The following CDH12 variants were observed in gnomAD, a reference collection of about 807,000 sequenced individuals.
The protein encoded by CDH12 is cadherin-12.
In CDH12, 41 loss-of-function variants were observed where a neutral mutation model predicts 74.1. The ratio of observed to expected loss-of-function variants is 0.55; its 90% CI spans 0.43 to 0.72. CDH12 has a LOEUF of 0.72. Ranked by LOEUF, CDH12 falls within the 30% of genes least tolerant of loss-of-function variation. CDH12 has a pLI of 0.00. For synonymous variants in CDH12, 399 were observed against 355.0 expected (o/e 1.12, Z -1.39); for missense variants, 945 against 977.2 (o/e 0.97, Z 0.44).
chr5:22,272,551 C>G (rs995784659), intron 3 of CDH12, among the ~76,000 whole-genome samples: 1 of 152,160 alleles, frequency 6.6e-6, no homozygotes, highest in Non-Finnish European at 1.5e-5. Flanking sequence ...TTTCAACAGG[C>G]CTTTCTCATT....
chr5:22,186,908 A>G (rs1749984546), intron 4 of CDH12, among the ~76,000 whole-genome samples: 1 of 152,242 alleles, frequency 6.6e-6, no homozygotes, highest in African/African-American at 2.4e-5. Flanking sequence ...CTAAATAAAT[A>G]AGAAATATTA....
intron 7 of CDH12, among the ~76,000 whole-genome samples, chr5:21,846,944 T>C (rs979968524): frequency 2.0e-5 from 3 of 152,120 alleles, no homozygotes; most frequent in African/African-American, 7.2e-5. Context: ...CTCACGGGAC[T>C]GGCAGATGAA....
chr5:21,963,505 C>T (rs775830113), intron 6 of CDH12, among the ~76,000 whole-genome samples: 23 of 152,056 alleles, frequency 1.5e-4, no homozygotes, highest in East Asian at 3.9e-4. Flanking sequence ...GCTTACCTCA[C>T]GGCTTTCTTT....
Position 22,050,286 on chromosome 5 carries a change from G to A in CDH12, c.231+28160C>T, listed in dbSNP as rs368267926. On this transcript the variant is annotated intron_variant, in intron 5 of 14. Coordinates refer to ENST00000382254, the MANE Select transcript of CDH12 (RefSeq NM_004061.5). ...TCTTCCCAACTCCCTAGACATCTCAGTGCTGTATTGGAATTATCTATTCAT... is the reference window on the plus strand; with the variant it reads ...TCTTCCCAACTCCCTAGACATCTCAATGCTGTATTGGAATTATCTATTCAT... Among the ~76,000 whole-genome samples the A allele has an allele frequency of 1.1e-4, 17 of 152,064 alleles. No homozygotes were observed. In the East Asian group the frequency reaches 3.3e-3, roughly 29 times the overall value.
At chr5:22,459,717 G>T (rs570255114) in intron 2 of CDH12, among the ~76,000 whole-genome samples, 1 of 152,146 alleles carries the variant, frequency 6.6e-6, no homozygotes, top group Admixed American at 6.6e-5. Context: ...GCTCACGCTT[G>T]TAATCCCAGC....
At chr5:22,471,007 C>T (rs537687665) in intron 2 of CDH12, among the ~76,000 whole-genome samples, 5 of 152,096 alleles carry the variant, frequency 3.3e-5, no homozygotes, top group Non-Finnish European at 7.4e-5. Flanking sequence ...TTAATGCTAC[C>T]TGGAATCCAG....
chr5:22,621,483 A>T (rs1260113913), intron 1 of CDH12, among the ~76,000 whole-genome samples: 2 of 152,108 alleles, frequency 1.3e-5, no homozygotes, highest in Admixed American at 6.6e-5. Context: ...AAATCTTAGA[A>T]AAAAATTCTC....
intron 1 of CDH12, among the ~76,000 whole-genome samples, chr5:22,573,026 T>C (rs761664280): frequency 6.6e-6 from 1 of 152,194 alleles, no homozygotes; most frequent in Non-Finnish European, 1.5e-5. Context: ...AATTGCCATG[T>C]TTATTTTGCC....
chr5:22,486,955 G>A (rs1000542181), intron 2 of CDH12, among the ~76,000 whole-genome samples: 1 of 152,132 alleles, frequency 6.6e-6, no homozygotes, highest in African/African-American at 2.4e-5. Flanking sequence ...TAACTTAGGG[G>A]TCAGAGAGCG....
At chr5:21,838,265 A>T (rs1369225891) in intron 8 of CDH12, among the ~76,000 whole-genome samples, 1 of 152,204 alleles carries the variant, frequency 6.6e-6, no homozygotes, top group African/African-American at 2.4e-5. Context: ...AATGCTTTAA[A>T]AGTTCCAGTG....
intron 3 of CDH12, among the ~76,000 whole-genome samples, chr5:22,299,210 G>T (rs1206001594): frequency 2.0e-5 from 3 of 152,148 alleles, no homozygotes; most frequent in Admixed American, 1.3e-4. Flanking sequence ...GTAAAGTAAG[G>T]AACCCAATGT....
At chr5:22,723,913 C>T (rs547737174) in intron 1 of CDH12, among the ~76,000 whole-genome samples, 6 of 152,072 alleles carry the variant, frequency 3.9e-5, no homozygotes, top group African/African-American at 1.4e-4. Context: ...AACACACAAA[C>T]ATTTCACATA....
chr5:21,783,255 G>C, intron 11 of CDH12, 103 bp downstream of exon 11: 2 of 1,000,428 alleles, frequency 2.0e-6, no homozygotes, highest in Non-Finnish European at 3.0e-6. Flanking sequence ...AGACCACTCA[G>C]CTGTCAGTCC....
chr5:21,893,321 C>A (rs138912308), intron 6 of CDH12, among the ~76,000 whole-genome samples: 1 of 152,000 alleles, frequency 6.6e-6, no homozygotes, highest in Non-Finnish European at 1.5e-5. Context: ...AAAAACAGGG[C>A]CACAATAAAA....
intron 1 of CDH12, among the ~76,000 whole-genome samples, chr5:22,792,685 G>T (rs1747977908): frequency 6.6e-6 from 1 of 152,124 alleles, no homozygotes; most frequent in South Asian, 2.1e-4. Context: ...TGGTGAATTT[G>T]AGTCGGTTCT....
At position 22,831,371 on chromosome 5, in the gene CDH12, C is replaced by CTGTGTGTG. The variant is rs70959760; in HGVS notation, c.-523+21679_-523+21686dup. On this transcript the variant is annotated intron_variant, in intron 1 of 14. Transcript: ENST00000382254. Reference sequence around the variant, plus strand: ...GGAGTTTGTGTGTGTGTGTGTGTGTCTGTGTGTGTGTGTGTGTGTGTGTGT... The same window carrying CTGTGTGTG: ...GGAGTTTGTGTGTGTGTGTGTGTGTCTGTGTGTGTGTGTGTGTGTGTGTGTGTGTGTGT... 2.9e-3 allele frequency among the ~76,000 whole-genome samples: 422 copies of CTGTGTGTG among 146,748 alleles called. 4 individuals are homozygous for CTGTGTGTG. The highest frequency in any genetic ancestry group is 9.7e-3 in the African/African-American group (381 of 39,474).
chr5:22,830,868 T>C (rs1408829358), intron 1 of CDH12, among the ~76,000 whole-genome samples: 1 of 151,680 alleles, frequency 6.6e-6, no homozygotes, highest in Non-Finnish European at 1.5e-5. Flanking sequence ...TTACATAATA[T>C]ATATGATTAA....
intron 2 of CDH12, among the ~76,000 whole-genome samples, chr5:22,499,110 AC>A (rs1427293286): frequency 6.7e-6 from 1 of 149,796 alleles, no homozygotes; most frequent in Non-Finnish European, 1.5e-5. Context: ...ACAGGGTTTC[AC>A]CATTTTGGCC....
chr5:21,939,501 C>T (rs1471950239), intron 6 of CDH12, among the ~76,000 whole-genome samples: 2 of 151,838 alleles, frequency 1.3e-5, no homozygotes, highest in Non-Finnish European at 2.9e-5. Context: ...TTAAAAAATA[C>T]TTAAACTAAC....
Sources: gnomAD v4.1 joint callset for allele counts (sites outside exome capture counted in the v4.1 genomes callset) on GRCh38, gnomAD v4.1.1 for gene constraint, MANE v1.5 for transcripts, NCBI Gene and HGNC (gene_info 2026-07-23, HGNC 2026-07-21) for gene names.